Variants in ADGRG7 observed in about 807,000 individuals in gnomAD.
The protein encoded by ADGRG7 is adhesion G protein-coupled receptor G7.
ADGRG7 carries 82 observed loss-of-function variants against 88.6 expected under a neutral mutation model. That is an observed-to-expected ratio of 0.93 (90% CI 0.77 to 1.11). The LOEUF (loss-of-function observed/expected upper bound fraction) is 1.11, where lower values mean the gene tolerates loss of function less well. Ranked by LOEUF, ADGRG7 falls within the 50% of genes most tolerant of loss-of-function variation. The pLI, the probability that ADGRG7 is intolerant of heterozygous loss-of-function variation, is 0.00. For missense variants in ADGRG7, 945 were observed against 953.4 expected, an observed-to-expected ratio of 0.99 and a Z score of 0.12; for synonymous variants, 381 against 345.2, an observed-to-expected ratio of 1.10 and a Z score of -1.15.
Position 100,659,805 on chromosome 3 carries a change from G to T in ADGRG7, c.1941G>T (p.Ser647=). ...ATGTTGTTATGTTTATTACAATCTC[G>T]ATCAAAGTGCTGTGGAAGAATAACC... ...ISNVVMFITI[S]IKVLWKNNQN... The change falls in exon 14 of 16, where the codon TCG becomes TCT. Residue 647 remains serine (S), a synonymous_variant. Coordinates refer to ENST00000273352, the MANE Select transcript of ADGRG7 (RefSeq NM_032787.3). 1 of 1,613,760 alleles carries T rather than the reference G, an allele frequency of 6.2e-7. No individual in the cohort carries two copies. Among genetic ancestry groups the T allele is most frequent in the Non-Finnish European group, 8.5e-7 (1 of 1,179,862 alleles).
At chr3:100,681,801 T>A (rs1221982404) in intron 15 of ADGRG7, among the ~76,000 whole-genome samples, 1 of 152,046 alleles carries the variant, frequency 6.6e-6, no homozygotes, top group East Asian at 1.9e-4. Flanking sequence ...TGAAAATACT[T>A]CTCCCTTAAA....
chr3:100,619,438 G>A (rs927072044), intron 1 of ADGRG7, among the ~76,000 whole-genome samples: 3 of 152,030 alleles, frequency 2.0e-5, no homozygotes, highest in Non-Finnish European at 2.9e-5. Context: ...AGCACTAAAT[G>A]CCCACAAGAG....
At chr3:100,693,167 C>G (rs1167822245) in intron 15 of ADGRG7, among the ~76,000 whole-genome samples, 1 of 152,060 alleles carries the variant, frequency 6.6e-6, no homozygotes, top group Admixed American at 6.6e-5. Context: ...TATGAATTAT[C>G]CATGGTCTAG....
chr3:100,630,734 G>T lies in ADGRG7; in HGVS notation c.259G>T (p.Gly87Cys). 6.9e-7 allele frequency: 1 copy of T among 1,458,050 alleles called. No individual in the cohort carries two copies. The highest frequency in any genetic ancestry group is 9.1e-7 in the Non-Finnish European group (1 of 1,101,826). 90.3% of individuals were successfully genotyped at this position (1,458,050 alleles called of 1,614,324 possible). A position where few individuals can be genotyped will look rare whatever the true frequency, so the allele number is the denominator to read the frequency against. ...ANFCENSTYM[G>C]FTFARIPVGR... ...TTTTTGTGAAAATAGTACCTATATG[G>T]GTTTTACTTTTGCCAGAATCCCAGT... The change falls in exon 3 of 16, where the codon GGT becomes TGT. Residue 87 changes from glycine (G) to cysteine (C), a missense_variant. Coordinates refer to ENST00000273352, the MANE Select transcript of ADGRG7 (RefSeq NM_032787.3).
Position 100,633,593 on chromosome 3 carries a change from C to T in ADGRG7, c.447+216C>T, listed in dbSNP as rs149831907. ...AGGCTGCAGTGCAATGGCACCGTCT[C>T]GGCTCACTGTAACCTCTGCCTCCCA... On this transcript the variant is annotated intron_variant, in intron 4 of 15. Transcript: ENST00000273352. Among the ~76,000 whole-genome samples the T allele has an allele frequency of 4.0e-4, 61 of 152,252 alleles. No homozygotes were observed. The East Asian group carries it at 0.012, about 29-fold the overall frequency.
intron 15 of ADGRG7, among the ~76,000 whole-genome samples, chr3:100,669,905 G>A (rs2094956342): frequency 6.6e-6 from 1 of 151,894 alleles, no homozygotes; most frequent in Admixed American, 6.6e-5. Context: ...GGGCATGGTG[G>A]CATGCACCTG....
chr3:100,660,131 C>T (rs2094943297), intron 14 of ADGRG7, among the ~76,000 whole-genome samples: 1 of 152,150 alleles, frequency 6.6e-6, no homozygotes, highest in African/African-American at 2.4e-5. Flanking sequence ...AAATTTTCGT[C>T]CCTTATCCTA....
intron 15 of ADGRG7, among the ~76,000 whole-genome samples, chr3:100,671,049 T>G (rs1206725770): frequency 1.3e-5 from 2 of 152,222 alleles, no homozygotes; most frequent in African/African-American, 4.8e-5. Flanking sequence ...TGATTTATAA[T>G]CCTTTGGGTA....
chr3:100,675,290 A>G (rs1333348394), intron 15 of ADGRG7, among the ~76,000 whole-genome samples: 1 of 151,984 alleles, frequency 6.6e-6, no homozygotes, highest in Admixed American at 6.6e-5. Flanking sequence ...AGTTTTTAAG[A>G]GTTTTTACCA....
At chr3:100,656,562 G>C (rs964050099) in intron 13 of ADGRG7, among the ~76,000 whole-genome samples, 2 of 152,100 alleles carry the variant, frequency 1.3e-5, no homozygotes, top group Non-Finnish European at 2.9e-5. Context: ...TATGACATTT[G>C]CTTTTTTTGT....
chr3:100,678,549 T>C (rs565781957), intron 15 of ADGRG7, among the ~76,000 whole-genome samples: 7 of 152,288 alleles, frequency 4.6e-5, no homozygotes, highest in African/African-American at 1.7e-4. Context: ...ACTGTAATCT[T>C]TACTGTCTAG....
chr3:100,664,652 A>G (rs2094949609), intron 14 of ADGRG7, among the ~76,000 whole-genome samples: 1 of 152,198 alleles, frequency 6.6e-6, no homozygotes, highest in South Asian at 2.1e-4. Flanking sequence ...ACAAGTGATA[A>G]TAAGCTATTT....
In ADGRG7 at chr3:100,691,449, C is replaced by T. The variant is rs148547716; in HGVS notation, c.2137-3295C>T. On this transcript the variant is annotated intron_variant, in intron 15 of 15. Coordinates refer to ENST00000273352, the MANE Select transcript of ADGRG7 (RefSeq NM_032787.3). ...AAATGCAGAAATCACCCATCTTCTGCATCACTCAGGCTGGGAGCTGTAGAC... is the reference window on the plus strand; with the variant it reads ...AAATGCAGAAATCACCCATCTTCTGTATCACTCAGGCTGGGAGCTGTAGAC... Among the ~76,000 whole-genome samples, 1,067 of 152,242 alleles carry T rather than the reference C, an allele frequency of 7.0e-3. 15 individuals carry two copies. Among genetic ancestry groups the T allele is most frequent in the African/African-American group, 0.024 (1,013 of 41,534 alleles).
At chr3:100,656,825 G>A (rs914185546) in intron 13 of ADGRG7, among the ~76,000 whole-genome samples, 1 of 152,128 alleles carries the variant, frequency 6.6e-6, no homozygotes. Context: ...ATGCCCAACT[G>A]TAGGCTGGGG....
intron 2 of ADGRG7, 37 bp from the exon 3 acceptor site, chr3:100,630,668 A>G: frequency 9.8e-7 from 1 of 1,016,728 alleles, no homozygotes; most frequent in Non-Finnish European, 1.3e-6. Flanking sequence ...TTTTTAAAAT[A>G]CAATTTATAA....
chr3:100,688,783 A>C (rs13075019), intron 15 of ADGRG7, among the ~76,000 whole-genome samples: 41,968 of 151,738 alleles, frequency 0.28, 6,185 homozygotes, highest in East Asian at 0.53. Context: ...TGCTGAGGAG[A>C]GCTTTACTTC....
chr3:100,656,066 G>T (rs908173973), intron 13 of ADGRG7, 71 bp downstream of exon 13: 2 of 834,236 alleles, frequency 2.4e-6, no homozygotes, highest in Non-Finnish European at 4.1e-6. Flanking sequence ...TATTGACTCC[G>T]AGTGTCACTG....
chr3:100,694,683 T>A (rs868111850), intron 15 of ADGRG7, 61 bp from the exon 16 acceptor site: 59 of 1,491,782 alleles, frequency 4.0e-5, no homozygotes, highest in Middle Eastern at 4.0e-4. Context: ...TGAAATAAAA[T>A]GTCTTCCTTG....
rs567022899 is a variant in ADGRG7, at chr3:100,675,211, A to G, written c.2136+6106A>G. Among the ~76,000 whole-genome samples the G allele has an allele frequency of 5.3e-5, 8 of 152,332 alleles. No homozygotes were observed. In the South Asian group the frequency reaches 1.7e-3, roughly 32 times the overall value. ...AAGGCTTTCAGTTTTTTTCCCATTC[A>G]GCATGATACTAGCTGTGAGTCCGTC... is the stretch of plus-strand genomic sequence containing the variant. On this transcript the variant is annotated intron_variant, in intron 15 of 15. Transcript: ENST00000273352.
Sources: allele counts gnomAD v4.1 joint callset (sites outside exome capture counted in the v4.1 genomes callset), GRCh38; gene constraint gnomAD v4.1.1; transcripts MANE v1.5; gene names NCBI Gene and HGNC (gene_info 2026-07-23, HGNC 2026-07-21).